SORCS3: variants seen among roughly 807,000 people sequenced by gnomAD.
The protein encoded by SORCS3 is sortilin related VPS10 domain containing receptor 3.
In SORCS3, 57 loss-of-function variants were observed where a neutral mutation model predicts 146.3. That is an observed-to-expected ratio of 0.39 (90% CI 0.31 to 0.49). The LOEUF is 0.49. Ranked by LOEUF, SORCS3 falls within the 20% of genes least tolerant of loss-of-function variation. The probability of loss-of-function intolerance (pLI) is 0.92; values close to 1 mark genes in which losing one functional copy is unlikely to be tolerated. For synonymous variants in SORCS3, 653 were observed against 618.5 expected (o/e 1.06, Z -0.83); for missense variants, 1,341 against 1,575.5 (o/e 0.85, Z 2.52).
chr10:104,763,143 A>C lies in SORCS3; in HGVS notation c.628-79649A>C, dbSNP rs1378583925. 3.9e-5 allele frequency among the ~76,000 whole-genome samples: 6 copies of C among 152,148 alleles called. No homozygotes were observed. In the East Asian group the frequency reaches 1.2e-3, roughly 29 times the overall value. On this transcript the variant is annotated intron_variant, in intron 1 of 26. Coordinates refer to ENST00000369701, the MANE Select transcript of SORCS3 (RefSeq NM_014978.3). ...TGCTAATTTTTGGTTCATACCCCAA[A>C]CCTGCTGAATGAGAAACTCAGGGTG... is the stretch of plus-strand genomic sequence containing the variant.
At position 105,167,341 on chromosome 10, in the gene SORCS3, G is replaced by A. The variant is rs148885511; in HGVS notation, c.1893G>A (p.Arg631=). 8.1e-6 allele frequency: 13 copies of A among 1,613,140 alleles called. No individual in the cohort carries two copies. Among genetic ancestry groups the A allele is most frequent in the South Asian group, 1.1e-5 (1 of 91,012 alleles). ...TGAAACACACACCTCTGCCAGTCAG[G>A]CATTTGTGGTAAGGAGAGCTCCCTA... The part of the protein sequence containing the change: ...VAMKHTPLPV[R]HLWVSFDEGH... The change falls in exon 13 of 27, where the codon AGG becomes AGA. Residue 631 remains arginine, a synonymous_variant. Coordinates refer to ENST00000369701, the MANE Select transcript of SORCS3 (RefSeq NM_014978.3).
intron 1 of SORCS3, among the ~76,000 whole-genome samples, chr10:104,717,224 G>A (rs1307624310): frequency 4.6e-5 from 7 of 150,946 alleles, no homozygotes; most frequent in Admixed American, 6.6e-5. Flanking sequence ...GTTTGAGGCT[G>A]CAGTGAATTA....
At chr10:104,930,118 G>C (rs374151463) in intron 3 of SORCS3, among the ~76,000 whole-genome samples, 99 of 152,218 alleles carry the variant, frequency 6.5e-4, no homozygotes, top group African/African-American at 2.4e-3. Context: ...ACATTTAACA[G>C]AGTGATTGAA....
chr10:105,007,519 C>T (rs2055103814), intron 4 of SORCS3, among the ~76,000 whole-genome samples: 1 of 152,096 alleles, frequency 6.6e-6, no homozygotes, highest in African/African-American at 2.4e-5. Flanking sequence ...GCAGAAGTAA[C>T]TTTTCCAAGA....
At chr10:105,260,287 C>A (rs1300474974) in intron 25 of SORCS3, among the ~76,000 whole-genome samples, 1 of 152,176 alleles carries the variant, frequency 6.6e-6, no homozygotes, top group African/African-American at 2.4e-5. Flanking sequence ...ATGGTTTAAC[C>A]ACCCCCAGAC....
At chr10:105,139,538 T>TGGGCCG in intron 8 of SORCS3, 52 bp downstream of exon 8, 1 of 1,400,618 alleles carries the variant, frequency 7.1e-7, no homozygotes, top group Admixed American at 1.7e-5. Flanking sequence ...AAGGGAGGGT[T>TGGGCCG]GGAGAGGCTG....
intron 5 of SORCS3, among the ~76,000 whole-genome samples, chr10:105,079,607 C>A (rs1175698048): frequency 6.6e-6 from 1 of 151,944 alleles, no homozygotes; most frequent in Admixed American, 6.6e-5. Flanking sequence ...GGTACATGTG[C>A]AGGGTTGTTT....
chr10:104,773,341 A>G (rs1175983339), intron 1 of SORCS3, among the ~76,000 whole-genome samples: 1 of 152,350 alleles, frequency 6.6e-6, no homozygotes, highest in Non-Finnish European at 1.5e-5. Flanking sequence ...ACTCGGATTC[A>G]TTCCCAGCTG....
At chr10:105,247,753 A>C (rs1380670853) in intron 22 of SORCS3, among the ~76,000 whole-genome samples, 1 of 150,854 alleles carries the variant, frequency 6.6e-6, no homozygotes, top group Admixed American at 6.6e-5. Flanking sequence ...GTCAAAAAGA[A>C]GAAGAAGAAG....
intron 13 of SORCS3, among the ~76,000 whole-genome samples, 198 bp downstream of exon 13, chr10:105,167,547 G>A (rs1372511955): frequency 2.0e-5 from 3 of 152,096 alleles, no homozygotes; most frequent in African/African-American, 7.2e-5. Context: ...CAGATGGGGA[G>A]GTGTAATGAA....
intron 7 of SORCS3, among the ~76,000 whole-genome samples, chr10:105,125,064 C>T (rs934258651): frequency 5.3e-5 from 8 of 152,114 alleles, no homozygotes; most frequent in Non-Finnish European, 8.8e-5. Flanking sequence ...TCTTTGTCTA[C>T]GGACGGGGTC....
chr10:105,089,224 C>T (rs913427046), intron 5 of SORCS3, among the ~76,000 whole-genome samples: 3 of 152,178 alleles, frequency 2.0e-5, no homozygotes, highest in African/African-American at 7.2e-5. Flanking sequence ...ATGTCTATTG[C>T]CAAACTTCTG....
At chr10:104,733,156 T>C (rs2016727529) in intron 1 of SORCS3, among the ~76,000 whole-genome samples, 1 of 152,150 alleles carries the variant, frequency 6.6e-6, no homozygotes, top group South Asian at 2.1e-4. Context: ...CTGGGGCCCA[T>C]GAGCTCCTCT....
intron 4 of SORCS3, among the ~76,000 whole-genome samples, chr10:105,002,475 C>G (rs955682961): frequency 6.6e-6 from 1 of 151,986 alleles, no homozygotes; most frequent in African/African-American, 2.4e-5. Context: ...GGCACTGAGC[C>G]GGGGTATAAG....
At chr10:105,132,674 G>A (rs2056029189) in intron 7 of SORCS3, among the ~76,000 whole-genome samples, 2 of 152,126 alleles carry the variant, frequency 1.3e-5, no homozygotes, top group African/African-American at 4.8e-5. Flanking sequence ...AGATAGATGT[G>A]TTTAATGGCC....
chr10:104,712,432 TTCAC>T (rs2016429422), intron 1 of SORCS3, among the ~76,000 whole-genome samples: 2 of 152,224 alleles, frequency 1.3e-5, no homozygotes, highest in African/African-American at 4.8e-5. Flanking sequence ...ATCAAATGAT[TTCAC>T]TGCTGAATGA....
intron 13 of SORCS3, among the ~76,000 whole-genome samples, chr10:105,172,873 T>A (rs567890418): frequency 1.3e-5 from 2 of 152,224 alleles, no homozygotes; most frequent in African/African-American, 4.8e-5. Flanking sequence ...AGAAAATATT[T>A]AACTTGTAGT....
chr10:104,714,139 CT>C (rs1006925301), intron 1 of SORCS3, among the ~76,000 whole-genome samples: 5 of 151,864 alleles, frequency 3.3e-5, no homozygotes, highest in African/African-American at 1.2e-4. Flanking sequence ...TGTCTTTTTT[CT>C]TTTTTTCCTG....
chr10:104,991,250 CAGACTGAGTGGCTTAAACAATAGAAAT>C lies in SORCS3; in HGVS notation c.954+13785_954+13811del, dbSNP rs2054992134. On this transcript the variant is annotated intron_variant, in intron 4 of 26. Coordinates refer to ENST00000369701, the MANE Select transcript of SORCS3 (RefSeq NM_014978.3). ...TTTGGGGTGCTATAGCAAAGTACCA[CAGACTGAGTGGCTTAAACAATAGAAAT>C]AGACTGAGTGGCTTAAACAATAGAA... Among the ~76,000 whole-genome samples the C allele has an allele frequency of 2.0e-5, 3 of 152,256 alleles. No individual in the cohort carries two copies. In the South Asian group the frequency reaches 6.2e-4, roughly 32 times the overall value.
Sources: allele counts gnomAD v4.1 joint callset (sites outside exome capture counted in the v4.1 genomes callset), GRCh38; gene constraint gnomAD v4.1.1; transcripts MANE v1.5; gene names NCBI Gene and HGNC (gene_info 2026-07-23, HGNC 2026-07-21).